The following BDNF variants were observed in gnomAD, a reference collection of about 807,000 sequenced individuals.
BDNF encodes brain derived neurotrophic factor.
BDNF carries 1 observed loss-of-function variant against 19.5 expected under a neutral mutation model. The observed-to-expected ratio is 0.05, with a 90% CI of 0.02 to 0.24. BDNF has a LOEUF of 0.24. BDNF is among the 10% of genes least tolerant of loss of function. BDNF has a pLI of 1.00. For missense variants in BDNF, 195 were observed against 317.6 expected (o/e 0.61, Z 2.93); for synonymous variants, 100 against 121.6 (o/e 0.82, Z 1.17).
At chr11:27,685,774 T>A (rs954300057) in intron 1 of BDNF, among the ~76,000 whole-genome samples, 31 of 152,352 alleles carry the variant, frequency 2.0e-4, no homozygotes, top group African/African-American at 7.5e-4. Context: ...CTGTTTGTTA[T>A]GATTTCCATT....
chr11:27,682,334 T>C (rs1193009763), intron 1 of BDNF, among the ~76,000 whole-genome samples: 1 of 151,822 alleles, frequency 6.6e-6, no homozygotes, highest in Non-Finnish European at 1.5e-5. Flanking sequence ...AGGGTAATTC[T>C]GATGCTGAAT....
intron 1 of BDNF, among the ~76,000 whole-genome samples, chr11:27,693,017 C>G (rs1202191695): frequency 1.3e-5 from 2 of 152,208 alleles, no homozygotes; most frequent in Non-Finnish European, 2.9e-5. Context: ...GTCCCTAAGT[C>G]ATGCATTCCA....
intron 1 of BDNF, among the ~76,000 whole-genome samples, chr11:27,688,406 G>A (rs960560338): frequency 4.6e-5 from 7 of 152,150 alleles, no homozygotes; most frequent in African/African-American, 4.8e-5. Flanking sequence ...GCCCCTTTCC[G>A]GGGGAGTGAA....
chr11:27,670,464 G>A (rs1037737922), intron 1 of BDNF, among the ~76,000 whole-genome samples: 1 of 152,182 alleles, frequency 6.6e-6, no homozygotes, highest in African/African-American at 2.4e-5. Flanking sequence ...CCATCAGAGT[G>A]AATAGGAAAC....
intron 1 of BDNF, among the ~76,000 whole-genome samples, chr11:27,716,632 C>CA (rs1860525891): frequency 6.6e-6 from 1 of 152,134 alleles, no homozygotes; most frequent in African/African-American, 2.4e-5. Context: ...ATTTTTCTGG[C>CA]AAGTCAGTGC....
chr11:27,704,252 A>C (rs985940792), upstream of BDNF, among the ~76,000 whole-genome samples: 1 of 152,218 alleles, frequency 6.6e-6, no homozygotes, highest in Non-Finnish European at 1.5e-5. Context: ...TTAAAAATTA[A>C]TTGTGAATTC....
chr11:27,659,772 C>T, intron 1 of BDNF: 1 of 734,830 alleles, frequency 1.4e-6, no homozygotes, highest in Non-Finnish European at 1.7e-6. Context: ...CTGGGAAGTC[C>T]CTTAAAAGCA....
intron 1 of BDNF, among the ~76,000 whole-genome samples, chr11:27,685,151 T>A (rs559981327): frequency 1.3e-5 from 2 of 152,174 alleles, no homozygotes; most frequent in African/African-American, 4.8e-5. Flanking sequence ...AGGAATTTAT[T>A]CATTTCTTCT....
intron 1 of BDNF, among the ~76,000 whole-genome samples, chr11:27,669,635 C>A (rs1486389438): frequency 1.3e-5 from 2 of 152,186 alleles, no homozygotes; most frequent in South Asian, 4.1e-4. Flanking sequence ...AGAGCCAAAT[C>A]ATGAGTGAAC....
chr11:27,700,524 C>T, upstream of BDNF: 2 of 216,816 alleles, frequency 9.2e-6, no homozygotes, highest in Non-Finnish European at 1.1e-5. Context: ...GGCGCCGCCC[C>T]CCCCCCCCCG....
chr11:27,699,053 G>A (rs1387421048), intron 1 of BDNF, among the ~76,000 whole-genome samples: 2 of 151,840 alleles, frequency 1.3e-5, no homozygotes, highest in African/African-American at 4.8e-5. Context: ...GCTCTCTAAG[G>A]GATCCCGCAA....
At chr11:27,719,731 AG>A in intron 1 of BDNF, 1 of 49,266 alleles carries the variant, frequency 2.0e-5, no homozygotes, top group South Asian at 8.3e-4. Flanking sequence ...AGGCTGGAGG[AG>A]GGGGCGGGGT....
At chr11:27,710,436 G>A (rs7934165) in intron 1 of BDNF, among the ~76,000 whole-genome samples, 73,716 of 151,988 alleles carry the variant, frequency 0.49, 18,106 homozygotes, top group Admixed American at 0.55. Context: ...AGAGTTCTGA[G>A]TTGGTGCAAA....
chr11:27,672,445 G>A (rs972614033), intron 1 of BDNF, among the ~76,000 whole-genome samples: 3 of 151,978 alleles, frequency 2.0e-5, no homozygotes, highest in Admixed American at 6.6e-5. Context: ...AGTTCCTTTC[G>A]TCCTTAATGG....
chr11:27,674,337 A>G, intron 1 of BDNF: 3 of 1,542,432 alleles, frequency 1.9e-6, no homozygotes, highest in South Asian at 1.2e-5. Context: ...TCTTTTAATT[A>G]CTTAACTGTA....
rs1852764147 is a variant in BDNF at position 27,657,765 on chromosome 11, T to C, written c.*56A>G. The C allele has an allele frequency of 6.3e-7, 1 of 1,598,810 alleles. No individual in the cohort carries two copies. The highest frequency in any genetic ancestry group is 8.6e-7 in the Non-Finnish European group (1 of 1,169,042). The stretch of plus-strand genomic sequence containing the variant: ...TGAATAATTTACCCTGTTATGTATA[T>C]ATACAAATAGATAATTTTTGTCTCA... On this transcript the variant is annotated 3_prime_UTR_variant, in exon 2 of 2. Transcript: ENST00000356660. The surrounding 1 kb of genome is among the most constrained non-coding windows in gnomAD (Gnocchi z 5.0).
chr11:27,721,547 G>A, exon 1 of BDNF: 1 of 932,584 alleles, frequency 1.1e-6, no homozygotes, highest in Non-Finnish European at 1.8e-6. Context: ...CCCACCACTT[G>A]GTGTGACTTA....
At position 27,658,310 on chromosome 11, in the gene BDNF, CTTA is replaced by C; in HGVS notation, c.252_254del (p.Asn84del). On this transcript the variant is annotated inframe_deletion, in exon 2 of 2. Coordinates refer to ENST00000356660, the MANE Select transcript of BDNF (RefSeq NM_001709.5). The surrounding 1 kb of genome is among the most constrained non-coding windows in gnomAD (Gnocchi z 5.7). ...CCCTGGACGTGTACAAGTCTGCGTC[CTTA>C]TTGTTTTCTTCATTGGGCCGAACTT... The C allele has an allele frequency of 1.2e-6, 2 of 1,614,118 alleles. No homozygotes were observed. The highest frequency in any genetic ancestry group is 8.5e-7 in the Non-Finnish European group (1 of 1,180,016).
intron 1 of BDNF, chr11:27,691,256 G>A (rs1032466523): frequency 3.3e-5 from 5 of 152,122 alleles, no homozygotes; most frequent in Non-Finnish European, 5.9e-5. Flanking sequence ...AGTCCTCTTT[G>A]GGAGGGAGTA....
Sources: gnomAD v4.1 joint callset for allele counts (sites outside exome capture counted in the v4.1 genomes callset) on GRCh38, gnomAD v4.1.1 for gene constraint, Gnocchi (gnomAD v3.1) non-coding constraint, MANE v1.5 for transcripts, NCBI Gene and HGNC (gene_info 2026-07-23, HGNC 2026-07-21) for gene names.